The following EDIL3 variants were observed in gnomAD, a reference collection of about 807,000 sequenced individuals.
EDIL3 encodes EGF-like repeat and discoidin I-like domain-containing protein 3.
In EDIL3, 37 loss-of-function variants were observed where a neutral mutation model predicts 67.4. That is an observed-to-expected ratio of 0.55 (90% CI 0.42 to 0.72). EDIL3 has a LOEUF of 0.72. Among genes scored for constraint, EDIL3 ranks in the 30% least tolerant of loss-of-function variants. The pLI, the probability that EDIL3 is intolerant of heterozygous loss-of-function variation, is 0.00. For missense variants in EDIL3, 527 were observed against 586.3 expected (o/e 0.90, Z 1.04); for synonymous variants, 195 against 196.3 (o/e 0.99, Z 0.05).
intron 1 of EDIL3, among the ~76,000 whole-genome samples, chr5:84,306,966 C>T (rs1014762895): frequency 2.0e-5 from 3 of 152,184 alleles, no homozygotes; most frequent in Non-Finnish European, 4.4e-5. Flanking sequence ...CTCAATAAAA[C>T]TTAACTATTA....
At chr5:83,974,225 C>A (rs185719088) in intron 9 of EDIL3, among the ~76,000 whole-genome samples, 7 of 151,650 alleles carry the variant, frequency 4.6e-5, no homozygotes, top group African/African-American at 1.4e-4. Context: ...TAACTTTTTT[C>A]CCTTTGACCT....
intron 3 of EDIL3, among the ~76,000 whole-genome samples, chr5:84,205,080 ATT>A (rs60872462): frequency 9.7e-4 from 137 of 140,756 alleles, no homozygotes; most frequent in East Asian, 1.9e-3. Context: ...GCCCTGGAAG[ATT>A]TTTTTTTTTT....
At chr5:84,188,478 A>C (rs756229717) in intron 3 of EDIL3, among the ~76,000 whole-genome samples, 8 of 151,750 alleles carry the variant, frequency 5.3e-5, no homozygotes, top group Non-Finnish European at 8.8e-5. Context: ...GCTTATAAGA[A>C]CTCACCATAA....
intron 1 of EDIL3, among the ~76,000 whole-genome samples, chr5:84,329,833 C>A (rs1328454109): frequency 6.6e-6 from 1 of 151,964 alleles, no homozygotes; most frequent in Non-Finnish European, 1.5e-5. Context: ...ACAATACTGT[C>A]AAATAAGAAG....
chr5:84,093,917 C>A (rs933378950), intron 6 of EDIL3, among the ~76,000 whole-genome samples: 21 of 152,240 alleles, frequency 1.4e-4, no homozygotes, highest in Admixed American at 2.6e-4. Flanking sequence ...CTCAGCCTCC[C>A]AAATTGCTGG....
chr5:84,043,815 G>A lies in EDIL3; in HGVS notation c.1137+16485C>T, dbSNP rs528058734. Among the ~76,000 whole-genome samples the A allele has an allele frequency of 1.1e-4, 16 of 152,250 alleles. No homozygotes were observed. The South Asian group carries it at 2.5e-3, about 24-fold the overall frequency. ...AGAAAAGCCCTTTGAAAACAACAAAGTGCTATAGAAATACAATTTAATTAT... is the reference window on the plus strand; with the variant it reads ...AGAAAAGCCCTTTGAAAACAACAAAATGCTATAGAAATACAATTTAATTAT... On this transcript the variant is annotated intron_variant, in intron 9 of 10. Coordinates refer to ENST00000296591, the MANE Select transcript of EDIL3 (RefSeq NM_005711.5).
At chr5:84,192,799 A>G (rs895721676) in intron 3 of EDIL3, among the ~76,000 whole-genome samples, 2 of 152,046 alleles carry the variant, frequency 1.3e-5, no homozygotes, top group Non-Finnish European at 2.9e-5. Flanking sequence ...AAGAAATGAA[A>G]TTGTAAAGAA....
At chr5:84,212,138 G>T (rs991395376) in intron 3 of EDIL3, among the ~76,000 whole-genome samples, 1 of 152,082 alleles carries the variant, frequency 6.6e-6, no homozygotes, top group Non-Finnish European at 1.5e-5. Flanking sequence ...ATACTATACA[G>T]GTATTGATCC....
chr5:84,212,387 CAAATCCCTTT>C (rs1242274593), intron 3 of EDIL3, among the ~76,000 whole-genome samples: 1 of 152,176 alleles, frequency 6.6e-6, no homozygotes, highest in Non-Finnish European at 1.5e-5. Context: ...TAAAGGAATT[CAAATCCCTTT>C]AGGGATAGAA....
At chr5:84,012,386 T>C (rs961933772) in intron 9 of EDIL3, among the ~76,000 whole-genome samples, 13 of 152,218 alleles carry the variant, frequency 8.5e-5, no homozygotes, top group Admixed American at 7.2e-4. Flanking sequence ...TATGGAAATA[T>C]TGGCATTATG....
intron 9 of EDIL3, among the ~76,000 whole-genome samples, chr5:84,051,063 C>T (rs996225268): frequency 6.6e-6 from 1 of 152,202 alleles, no homozygotes; most frequent in South Asian, 2.1e-4. Flanking sequence ...AGGCACCCCC[C>T]AGTAGGGGCA....
chr5:84,142,623 G>A (rs569649863), intron 4 of EDIL3, among the ~76,000 whole-genome samples: 2 of 151,970 alleles, frequency 1.3e-5, no homozygotes, highest in East Asian at 3.9e-4. Flanking sequence ...TTTGGACCAG[G>A]ACATCTAATC....
In EDIL3 at chr5:83,973,803, T is replaced by G. The variant is rs553765603; in HGVS notation, c.1138-10443A>C. On this transcript the variant is annotated intron_variant, in intron 9 of 10. Coordinates refer to ENST00000296591, the MANE Select transcript of EDIL3 (RefSeq NM_005711.5). ...GCAAATACCATAAGAACTGAAAATA[T>G]AGGTTGGTGCAAAAGTAATTGTGGT... is the stretch of plus-strand genomic sequence containing the variant. Among the ~76,000 whole-genome samples, 52 of 152,040 alleles carry G rather than the reference T, an allele frequency of 3.4e-4. 2 individuals are homozygous for G. Among genetic ancestry groups the G allele is most frequent in the Non-Finnish European group, 1.3e-4 (9 of 67,988 alleles).
intron 4 of EDIL3, among the ~76,000 whole-genome samples, chr5:84,162,698 C>T (rs1382789366): frequency 6.6e-6 from 1 of 152,078 alleles, no homozygotes; most frequent in African/African-American, 2.4e-5. Flanking sequence ...CCCAAGATAA[C>T]AGAGCTTCTT....
intron 1 of EDIL3, among the ~76,000 whole-genome samples, chr5:84,283,786 T>C (rs1406270851): frequency 6.6e-6 from 1 of 152,176 alleles, no homozygotes; most frequent in Non-Finnish European, 1.5e-5. Context: ...TTTGTTTGTT[T>C]TGTTTGCCCA....
At chr5:84,032,609 C>A (rs1274236289) in intron 9 of EDIL3, among the ~76,000 whole-genome samples, 2 of 151,670 alleles carry the variant, frequency 1.3e-5, no homozygotes, top group South Asian at 4.2e-4. Flanking sequence ...TTTGTTAATG[C>A]CAATAATAGT....
intron 9 of EDIL3, among the ~76,000 whole-genome samples, chr5:84,024,207 T>C (rs998137921): frequency 2.6e-5 from 4 of 152,198 alleles, no homozygotes; most frequent in African/African-American, 9.6e-5. Context: ...CTCCAAGTTA[T>C]TGTATTTATT....
intron 3 of EDIL3, among the ~76,000 whole-genome samples, chr5:84,199,457 T>C (rs1743785294): frequency 6.6e-6 from 1 of 151,912 alleles, no homozygotes; most frequent in Admixed American, 6.6e-5. Flanking sequence ...TATACTGAGG[T>C]AGATGTCACT....
At chr5:84,103,938 T>C (rs1747413053) in intron 6 of EDIL3, among the ~76,000 whole-genome samples, 1 of 152,072 alleles carries the variant, frequency 6.6e-6, no homozygotes, top group South Asian at 2.1e-4. Context: ...TGTAGCACCA[T>C]TCACAATAAC....
Sources: allele counts gnomAD v4.1 joint callset (sites outside exome capture counted in the v4.1 genomes callset), GRCh38; gene constraint gnomAD v4.1.1; transcripts MANE v1.5; gene names NCBI Gene and HGNC (gene_info 2026-07-23, HGNC 2026-07-21).